SH3KBP1: variants seen among roughly 807,000 people sequenced by gnomAD.
SH3KBP1 encodes SH3 domain containing kinase binding protein 1, also known as SH3 domain-containing kinase-binding protein 1.
Under a neutral mutation model 50.1 loss-of-function variants are expected in SH3KBP1, and 8 were observed. The observed-to-expected ratio is 0.16, with a 90% CI of 0.09 to 0.29. SH3KBP1 has a LOEUF of 0.29. Ranked by LOEUF, SH3KBP1 falls within the 10% of genes least tolerant of loss-of-function variation. SH3KBP1 has a pLI of 1.00. For synonymous variants in SH3KBP1, 227 were observed against 218.6 expected, an observed-to-expected ratio of 1.04 and a Z score of -0.34; for missense variants, 377 against 535.2, an observed-to-expected ratio of 0.70 and a Z score of 2.92.
intron 9 of SH3KBP1, among the ~76,000 whole-genome samples, chrX:19,596,083 C>T (rs1267635464): frequency 1.8e-5 from 2 of 111,438 alleles, no homozygotes; most frequent in African/African-American, 6.5e-5. Flanking sequence ...TTTCTTCCTC[C>T]CTTCTCTGTC....
chrX:19,708,344 G>T (rs1379449724), intron 3 of SH3KBP1, among the ~76,000 whole-genome samples: 1 of 112,169 alleles, frequency 8.9e-6, no homozygotes, highest in Non-Finnish European at 1.9e-5. Flanking sequence ...TCACATCTTT[G>T]GTGACTCCAC....
chrX:19,586,324 T>C (rs1416737881), intron 12 of SH3KBP1, among the ~76,000 whole-genome samples: 2 of 112,267 alleles, frequency 1.8e-5, no homozygotes, highest in Non-Finnish European at 3.8e-5. Context: ...GCAGCAGGAA[T>C]ATTTTGGAAA....
At chrX:19,570,128 C>A (rs1043336130) in intron 12 of SH3KBP1, among the ~76,000 whole-genome samples, 4 of 112,136 alleles carry the variant, frequency 3.6e-5, no homozygotes, top group Non-Finnish European at 7.5e-5. Context: ...TCATGTGCCA[C>A]TTGTGCTGTG....
At chrX:19,629,636 G>T (rs1437274531) in intron 8 of SH3KBP1, among the ~76,000 whole-genome samples, 1 of 111,676 alleles carries the variant, frequency 9.0e-6, no homozygotes, top group Non-Finnish European at 1.9e-5. Flanking sequence ...CAGGGATAGA[G>T]AAAGGCTTGT....
At chrX:19,551,550 CT>C (rs397800260) in intron 13 of SH3KBP1, among the ~76,000 whole-genome samples, 1,603 of 95,011 alleles carry the variant, frequency 0.017, 48 homozygotes, top group African/African-American at 0.049. Flanking sequence ...CTCCCTCCCT[CT>C]TTTTTTTTTT....
intron 3 of SH3KBP1, among the ~76,000 whole-genome samples, chrX:19,720,899 G>T (rs970088326): frequency 9.0e-6 from 1 of 111,140 alleles, no homozygotes; most frequent in Admixed American, 9.6e-5. Flanking sequence ...GGGGGTGGGA[G>T]ATACACACCA....
chrX:19,636,918 C>T (rs1170470391), intron 7 of SH3KBP1, among the ~76,000 whole-genome samples: 14 of 112,256 alleles, frequency 1.2e-4, no homozygotes, highest in Admixed American at 1.1e-3. Flanking sequence ...TACCAGGTCA[C>T]ACCTAAAACT....
At chrX:19,571,704 A>G (rs2066011749) in intron 12 of SH3KBP1, among the ~76,000 whole-genome samples, 1 of 111,570 alleles carries the variant, frequency 9.0e-6, no homozygotes, top group African/African-American at 3.3e-5. Flanking sequence ...CTAAACACAA[A>G]TTATACTCAC....
chrX:19,810,027 G>A (rs769099304), intron 2 of SH3KBP1, among the ~76,000 whole-genome samples: 1 of 112,338 alleles, frequency 8.9e-6, no homozygotes, highest in African/African-American at 3.2e-5. Context: ...CAGAAGTGCA[G>A]ATTAATCTTA....
At chrX:19,764,309 G>A (rs1286304106) in intron 2 of SH3KBP1, among the ~76,000 whole-genome samples, 4 of 111,346 alleles carry the variant, frequency 3.6e-5, no homozygotes, top group Admixed American at 1.9e-4. Context: ...AAATATCTGC[G>A]TTTATTTAGC....
At chrX:19,621,828 G>A (rs1269013791) in intron 8 of SH3KBP1, among the ~76,000 whole-genome samples, 1 of 111,286 alleles carries the variant, frequency 9.0e-6, no homozygotes, top group African/African-American at 3.3e-5. Flanking sequence ...GCCAAACCCT[G>A]TTCTAGGATA....
chrX:19,565,229 T>G (rs1448730911), intron 13 of SH3KBP1, among the ~76,000 whole-genome samples: 1 of 108,356 alleles, frequency 9.2e-6, no homozygotes, highest in East Asian at 2.9e-4. Flanking sequence ...ACCCAGCTAA[T>G]TTCTGTATTT....
intron 8 of SH3KBP1, among the ~76,000 whole-genome samples, chrX:19,617,126 CTTTG>C (rs746704662): frequency 1.2e-3 from 131 of 112,597 alleles, no homozygotes; most frequent in African/African-American, 3.7e-3. Flanking sequence ...GTCTGCTACT[CTTTG>C]TTTGGGCTCC....
In SH3KBP1 at chrX:19,607,173, C is replaced by T. The variant is rs1054748255; in HGVS notation, c.1005+765G>A. 3.6e-5 allele frequency among the ~76,000 whole-genome samples: 4 copies of T among 112,590 alleles called. No homozygotes were observed. In the East Asian group the frequency reaches 1.1e-3, roughly 31 times the overall value. On this transcript the variant is annotated intron_variant, in intron 9 of 17. Coordinates refer to ENST00000397821, the MANE Select transcript of SH3KBP1 (RefSeq NM_031892.3). ...TGCCATGGCAAGATCTGGCTCAGCA[C>T]CGTCCAGTAACAGAGTCCCCATGGA...
chrX:19,627,475 G>A (rs1249267081), intron 8 of SH3KBP1, among the ~76,000 whole-genome samples: 4 of 112,387 alleles, frequency 3.6e-5, no homozygotes, highest in South Asian at 3.7e-4. Flanking sequence ...ACACAGACAC[G>A]GGAGTTATTT....
At chrX:19,707,993 G>A (rs1415029476) in intron 3 of SH3KBP1, among the ~76,000 whole-genome samples, 1 of 112,919 alleles carries the variant, frequency 8.9e-6, no homozygotes, top group African/African-American at 3.2e-5. Context: ...GCATGGCCTA[G>A]AAAACCAAAG....
intron 6 of SH3KBP1, among the ~76,000 whole-genome samples, chrX:19,675,325 G>A (rs1208238868): frequency 1.8e-5 from 2 of 110,795 alleles, no homozygotes; most frequent in Non-Finnish European, 3.8e-5. Context: ...AAAGCACTGA[G>A]TGGTTAAGTA....
intron 6 of SH3KBP1, among the ~76,000 whole-genome samples, chrX:19,675,037 C>T (rs1471340797): frequency 1.8e-5 from 2 of 109,932 alleles, no homozygotes; most frequent in African/African-American, 6.7e-5. Flanking sequence ...CAAGATCATG[C>T]CACTGCACTC....
chrX:19,826,737 TAACATAACATAACAC>T (rs1246875167), intron 2 of SH3KBP1, among the ~76,000 whole-genome samples: 1 of 108,409 alleles, frequency 9.2e-6, no homozygotes, highest in Admixed American at 9.8e-5. Flanking sequence ...TAACATAACA[TAACATAACATAACAC>T]ACCCAGAAAA....
Sources: gnomAD v4.1 joint callset for allele counts (sites outside exome capture counted in the v4.1 genomes callset) on GRCh38, gnomAD v4.1.1 for gene constraint, MANE v1.5 for transcripts, NCBI Gene and HGNC (gene_info 2026-07-23, HGNC 2026-07-21) for gene names.